TMEM74: variants seen among roughly 807,000 people sequenced by gnomAD.
TMEM74 encodes the protein transmembrane protein 74.
Under a neutral mutation model 18.1 loss-of-function variants are expected in TMEM74, and 13 were observed. That is an observed-to-expected ratio of 0.72 (90% CI 0.47 to 1.14). TMEM74 has a LOEUF of 1.14. Among genes scored for constraint, TMEM74 ranks in the 50% most tolerant of loss-of-function variants. The probability of loss-of-function intolerance (pLI) is 0.00; values close to 1 mark genes in which losing one functional copy is unlikely to be tolerated. For synonymous variants in TMEM74, 159 were observed against 146.6 expected, an observed-to-expected ratio of 1.08 and a Z score of -0.61; for missense variants, 372 against 375.9, an observed-to-expected ratio of 0.99 and a Z score of 0.09.
At chr8:108,676,810 T>C (rs528400016) in intron 1 of TMEM74, among the ~76,000 whole-genome samples, 1 of 152,272 alleles carries the variant, frequency 6.6e-6, no homozygotes, top group South Asian at 2.1e-4. Flanking sequence ...TGAATATTTA[T>C]GGAATGAATG....
chr8:108,688,519 G>A (rs1055074223), intron 1 of TMEM74, among the ~76,000 whole-genome samples: 1 of 152,186 alleles, frequency 6.6e-6, no homozygotes, highest in African/African-American at 2.4e-5. Context: ...AACAATTTAG[G>A]CAAAAGGTCA....
At chr8:108,720,810 C>T (rs1242638493) in intron 1 of TMEM74, among the ~76,000 whole-genome samples, 1 of 151,830 alleles carries the variant, frequency 6.6e-6, no homozygotes, top group South Asian at 2.1e-4. Flanking sequence ...GCTCTGTCGC[C>T]CAGGCTGGAG....
chr8:108,609,222 T>C (rs528189571), intron 2 of TMEM74, among the ~76,000 whole-genome samples: 2 of 152,370 alleles, frequency 1.3e-5, no homozygotes, highest in South Asian at 2.1e-4. Flanking sequence ...GATGTATTGG[T>C]AAGATTTATT....
intron 1 of TMEM74, among the ~76,000 whole-genome samples, chr8:108,744,771 T>C (rs187066810): frequency 9.8e-5 from 15 of 152,298 alleles, no homozygotes; most frequent in Admixed American, 9.8e-4. Flanking sequence ...AAAGTTACAA[T>C]TGGCATGCCC....
intron 1 of TMEM74, among the ~76,000 whole-genome samples, chr8:108,721,661 T>C (rs1051490968): frequency 6.6e-6 from 1 of 152,262 alleles, no homozygotes; most frequent in African/African-American, 2.4e-5. Context: ...TTCTAAATTA[T>C]GTGGTTTACG....
At chr8:108,609,319 T>TGTTTAA (rs71305904) in intron 2 of TMEM74, among the ~76,000 whole-genome samples, 32,381 of 151,980 alleles carry the variant, frequency 0.21, 3,438 homozygotes, top group East Asian at 0.27. Context: ...CTGTTTACCT[T>TGTTTAA]GTTTAAGTTT....
chr8:108,662,629 T>C (rs1812911702), intron 1 of TMEM74, among the ~76,000 whole-genome samples: 1 of 152,112 alleles, frequency 6.6e-6, no homozygotes, highest in Non-Finnish European at 1.5e-5. Context: ...TGTACTATAG[T>C]GGTAAGCAGT....
chr8:108,763,290 G>T (rs1428306764), intron 1 of TMEM74, among the ~76,000 whole-genome samples: 1 of 136,058 alleles, frequency 7.3e-6, no homozygotes, highest in African/African-American at 3.0e-5. Flanking sequence ...CAGAACCCAA[G>T]GAGGTAAAGG....
intron 1 of TMEM74, among the ~76,000 whole-genome samples, chr8:108,773,797 T>C (rs940369882): frequency 2.0e-5 from 3 of 152,266 alleles, no homozygotes; most frequent in Non-Finnish European, 2.9e-5. Flanking sequence ...AATTTTGGAA[T>C]AGAATCCTCA....
intron 1 of TMEM74, among the ~76,000 whole-genome samples, chr8:108,668,537 T>A (rs1812971677): frequency 1.3e-5 from 2 of 152,146 alleles, no homozygotes; most frequent in African/African-American, 4.8e-5. Flanking sequence ...ACTGGCCCTG[T>A]GAGATAAGCC....
At chr8:108,777,845 A>T (rs567633523), downstream of TMEM74, among the ~76,000 whole-genome samples, 7 of 152,340 alleles carry the variant, frequency 4.6e-5, no homozygotes, top group South Asian at 1.4e-3. Flanking sequence ...AAATTAAATA[A>T]TACATAGTAA....
intron 1 of TMEM74, among the ~76,000 whole-genome samples, chr8:108,700,615 A>T (rs1813326073): frequency 6.6e-6 from 1 of 152,180 alleles, no homozygotes. Context: ...GTGCAATCAG[A>T]TAGCAAAATA....
rs1814343842 is a variant in TMEM74, at chr8:108,784,140, T to C, written c.*41A>G. On this transcript the variant is annotated 3_prime_UTR_variant, in exon 2 of 2. Transcript: ENST00000297459. ...TTATAAATTAACTTTTTTCATATTATAAAATGCCAAGGCAGACTCTCAAGA... is the reference window on the plus strand; with the variant it reads ...TTATAAATTAACTTTTTTCATATTACAAAATGCCAAGGCAGACTCTCAAGA... 2 of 1,474,110 alleles carry C rather than the reference T, an allele frequency of 1.4e-6. No individual in the cohort carries two copies. Among genetic ancestry groups the C allele is most frequent in the Non-Finnish European group, 1.8e-6 (2 of 1,098,558 alleles). The allele number at this position is 1,474,110 out of a possible 1,614,324, so 91.3% of individuals were successfully genotyped here.
At chr8:108,710,269 A>G (rs1373599653) in intron 1 of TMEM74, among the ~76,000 whole-genome samples, 3 of 152,206 alleles carry the variant, frequency 2.0e-5, no homozygotes, top group Admixed American at 6.5e-5. Flanking sequence ...CCTTTCAATC[A>G]CTAGAGAACT....
At chr8:108,712,033 G>A (rs1402633370) in intron 1 of TMEM74, among the ~76,000 whole-genome samples, 1 of 151,944 alleles carries the variant, frequency 6.6e-6, no homozygotes, top group East Asian at 1.9e-4. Context: ...GCATCACCTG[G>A]GAACTTTTTG....
At chr8:108,698,271 G>T (rs569412845) in intron 1 of TMEM74, among the ~76,000 whole-genome samples, 2 of 152,170 alleles carry the variant, frequency 1.3e-5, no homozygotes, top group East Asian at 1.9e-4. Context: ...TAACTGAAAG[G>T]GTGCTTTATC....
intron 1 of TMEM74, among the ~76,000 whole-genome samples, chr8:108,687,805 T>C (rs1425372675): frequency 2.0e-5 from 3 of 152,094 alleles, no homozygotes; most frequent in African/African-American, 7.2e-5. Flanking sequence ...ATGCAAGTGA[T>C]GGGGAGTGGC....
At chr8:108,619,280 T>C (rs1056906888) in intron 2 of TMEM74, among the ~76,000 whole-genome samples, 11 of 152,292 alleles carry the variant, frequency 7.2e-5, no homozygotes, top group Admixed American at 5.9e-4. Context: ...TTTTGAGTAA[T>C]AATTTTTAAA....
rs919862688 is a variant in TMEM74, at chr8:108,781,375, T to C, written c.*2806A>G. ...TACCTCTAGAGCCAAAAACACTCTT[T>C]GTCAGATTGGGAAAAACAGGAAATA... On this transcript the variant is annotated 3_prime_UTR_variant, in exon 2 of 2. Coordinates refer to ENST00000297459, the MANE Select transcript of TMEM74 (RefSeq NM_153015.3). 3.3e-5 allele frequency among the ~76,000 whole-genome samples: 5 copies of C among 152,186 alleles called. No homozygotes were observed. The highest frequency in any genetic ancestry group is 1.2e-4 in the African/African-American group (5 of 41,452).
Sources: gnomAD v4.1 joint callset for allele counts (sites outside exome capture counted in the v4.1 genomes callset) on GRCh38, gnomAD v4.1.1 for gene constraint, MANE v1.5 for transcripts, NCBI Gene and HGNC (gene_info 2026-07-23, HGNC 2026-07-21) for gene names.